Variants in CNTNAP2 observed in about 807,000 individuals in gnomAD.
CNTNAP2 encodes contactin-associated protein-like 2.
In CNTNAP2, 98 loss-of-function variants were observed where a neutral mutation model predicts 155.2. The observed-to-expected ratio is 0.63, with a 90% CI of 0.54 to 0.75. The LOEUF (loss-of-function observed/expected upper bound fraction) is 0.75. Ranked by LOEUF, CNTNAP2 falls within the 30% of genes least tolerant of loss-of-function variation. The pLI is 0.00. For missense variants in CNTNAP2, 1,727 were observed against 1,688.1 expected (o/e 1.02, Z -0.40); for synonymous variants, 651 against 631.2 (o/e 1.03, Z -0.47).
intron 16 of CNTNAP2, among the ~76,000 whole-genome samples, chr7:148,118,739 CACAGG>C (rs2116609361): frequency 6.6e-6 from 1 of 152,214 alleles, no homozygotes; most frequent in East Asian, 1.9e-4. Flanking sequence ...CCACGGAGAC[CACAGG>C]ACTGGGCAAT....
chr7:148,162,369 T>C (rs1805564267), intron 17 of CNTNAP2, among the ~76,000 whole-genome samples: 1 of 152,148 alleles, frequency 6.6e-6, no homozygotes, highest in South Asian at 2.1e-4. Flanking sequence ...ATTTTGAAAT[T>C]TGGATCCAAC....
chr7:146,309,737 G>T (rs1010854487), intron 1 of CNTNAP2, among the ~76,000 whole-genome samples: 2 of 151,778 alleles, frequency 1.3e-5, no homozygotes, highest in African/African-American at 2.4e-5. Flanking sequence ...GGAGGCGGAG[G>T]TTGCAGTGAG....
intron 3 of CNTNAP2, among the ~76,000 whole-genome samples, chr7:146,875,302 A>T (rs1215843994): frequency 2.0e-5 from 3 of 152,176 alleles, no homozygotes; most frequent in Admixed American, 6.6e-5. Flanking sequence ...TCTGGAATAA[A>T]CAAGATTATA....
At chr7:146,710,639 A>G (rs1016988518) in intron 1 of CNTNAP2, among the ~76,000 whole-genome samples, 6 of 152,040 alleles carry the variant, frequency 3.9e-5, no homozygotes, top group Admixed American at 6.6e-5. Context: ...CCTCACCACT[A>G]ATGCACTTCT....
chr7:147,392,912 C>A (rs1018269406), intron 9 of CNTNAP2, among the ~76,000 whole-genome samples: 1 of 152,028 alleles, frequency 6.6e-6, no homozygotes, highest in Admixed American at 6.6e-5. Context: ...CCAGACATCA[C>A]ATTCTTTATT....
At chr7:148,067,375 G>C (rs1469303666) in intron 15 of CNTNAP2, among the ~76,000 whole-genome samples, 4 of 152,150 alleles carry the variant, frequency 2.6e-5, no homozygotes, top group Non-Finnish European at 2.9e-5. Flanking sequence ...TGCTTTTCTA[G>C]GTCTAGCCAC....
chr7:147,328,770 A>G (rs1258359002), intron 9 of CNTNAP2, among the ~76,000 whole-genome samples: 1 of 152,114 alleles, frequency 6.6e-6, no homozygotes, highest in Non-Finnish European at 1.5e-5. Flanking sequence ...TGAAATAACT[A>G]CTATAATAAA....
chr7:147,737,752 C>A (rs1022500772), intron 13 of CNTNAP2, among the ~76,000 whole-genome samples: 2 of 152,170 alleles, frequency 1.3e-5, no homozygotes, highest in Non-Finnish European at 2.9e-5. Flanking sequence ...TGCTGCCTTG[C>A]GGTTTGATCT....
At chr7:147,165,879 A>G (rs1156396472) in intron 8 of CNTNAP2, among the ~76,000 whole-genome samples, 1 of 152,160 alleles carries the variant, frequency 6.6e-6, no homozygotes, top group Non-Finnish European at 1.5e-5. Flanking sequence ...TCCAAAAATA[A>G]TAGATGTTGA....
chr7:146,908,007 T>A (rs1796178194), intron 3 of CNTNAP2, among the ~76,000 whole-genome samples: 1 of 152,052 alleles, frequency 6.6e-6, no homozygotes, highest in Non-Finnish European at 1.5e-5. Context: ...AATCCTAGTC[T>A]CTGATAAAAC....
At chr7:146,384,977 A>G (rs1028265093) in intron 1 of CNTNAP2, among the ~76,000 whole-genome samples, 21 of 152,160 alleles carry the variant, frequency 1.4e-4, no homozygotes, top group Non-Finnish European at 2.9e-5. Context: ...CCAGAAACAT[A>G]GTTGGTCTTC....
intron 1 of CNTNAP2, among the ~76,000 whole-genome samples, chr7:146,588,034 A>G (rs1584994888): frequency 7.8e-6 from 1 of 128,694 alleles, no homozygotes; most frequent in Non-Finnish European, 1.7e-5. Context: ...GTGTGTGTGT[A>G]AATGTCAATG....
chr7:146,117,071 C>T (rs1797494880), intron 1 of CNTNAP2, 98 bp downstream of exon 1: 5 of 1,005,432 alleles, frequency 5.0e-6, no homozygotes, highest in African/African-American at 1.6e-5. Flanking sequence ...GCAGTGCTGG[C>T]ACCCTGATGT....
intron 15 of CNTNAP2, among the ~76,000 whole-genome samples, chr7:148,048,159 C>T (rs992175304): frequency 3.3e-5 from 5 of 151,426 alleles, no homozygotes; most frequent in Non-Finnish European, 2.9e-5. Flanking sequence ...CTCCTGACCT[C>T]GTGATCCGCC....
At chr7:148,370,701 G>A (rs1190334664) in intron 21 of CNTNAP2, among the ~76,000 whole-genome samples, 2 of 151,220 alleles carry the variant, frequency 1.3e-5, no homozygotes, top group Admixed American at 6.6e-5. Context: ...ATCCAGGATT[G>A]AACTCAATAG....
chr7:147,280,871 A>G (rs2116725396), intron 8 of CNTNAP2, among the ~76,000 whole-genome samples: 1 of 151,996 alleles, frequency 6.6e-6, no homozygotes, highest in African/African-American at 2.4e-5. Context: ...CCTGTGCTAA[A>G]CCCAGCTAAC....
At chr7:146,668,025 G>A (rs1002775337) in intron 1 of CNTNAP2, among the ~76,000 whole-genome samples, 2 of 152,032 alleles carry the variant, frequency 1.3e-5, no homozygotes, top group African/African-American at 4.8e-5. Flanking sequence ...CAAGTGGTGA[G>A]TGTTAGCATC....
chr7:148,172,435 C>A lies in CNTNAP2; in HGVS notation c.2967C>A (p.Cys989Ter). The A allele has an allele frequency of 3.7e-6, 6 of 1,614,138 alleles. No individual in the cohort carries two copies. Among genetic ancestry groups the A allele is most frequent in the Non-Finnish European group, 5.1e-6 (6 of 1,180,036 alleles). The change falls in exon 18 of 24, where the codon TGC (cysteine) becomes TGA (stop). Residue 989 changes from cysteine (C) to a stop codon, truncating the protein, a stop_gained. Transcript: ENST00000361727. LOFTEE classifies it high-confidence loss of function. ...KCLERYHGYS[C>*]DCSNTAYDGT... ...TAGAGAGATACCACGGTTACTCCTG[C>A]GATTGCTCTAATACTGCATATGATG...
intron 1 of CNTNAP2, among the ~76,000 whole-genome samples, chr7:146,241,228 A>C (rs1283064457): frequency 1.3e-5 from 2 of 152,200 alleles, no homozygotes; most frequent in Admixed American, 6.5e-5. Context: ...TCAGGAGGTA[A>C]GGCATTTAGA....
Sources: gnomAD v4.1 joint callset for allele counts (sites outside exome capture counted in the v4.1 genomes callset) on GRCh38, gnomAD v4.1.1 for gene constraint, MANE v1.5 for transcripts, NCBI Gene and HGNC (gene_info 2026-07-23, HGNC 2026-07-21) for gene names.